The following SLC16A4 variants were observed in gnomAD, a reference collection of about 807,000 sequenced individuals.
The protein encoded by SLC16A4 is solute carrier family 16 member 4.
In SLC16A4, 39 loss-of-function variants were observed where a neutral mutation model predicts 47.9. That is an observed-to-expected ratio of 0.81 (90% CI 0.63 to 1.06). The LOEUF (loss-of-function observed/expected upper bound fraction) is 1.06, where lower values mean the gene tolerates loss of function less well. SLC16A4 is among the 50% of genes least tolerant of loss of function. The pLI is 0.00. For synonymous variants in SLC16A4, 189 were observed against 199.9 expected (o/e 0.95, Z 0.46); for missense variants, 524 against 573.8 (o/e 0.91, Z 0.89).
intron 3 of SLC16A4, among the ~76,000 whole-genome samples, chr1:110,382,059 C>T (rs1476314189): frequency 6.6e-6 from 1 of 152,130 alleles, no homozygotes; most frequent in Non-Finnish European, 1.5e-5. Flanking sequence ...CATTATAGAA[C>T]CTCCACAAAA....
rs777078429 is a variant in SLC16A4, at chr1:110,363,793, G to C, written c.1437C>G (p.Ala479=). Residue 479 remains alanine, a synonymous_variant, in exon 9 of 9, where the codon GCC becomes GCG. Transcript: ENST00000369779. ...SSVSFFFVPL[A]ERWKNSLT Reference sequence around the variant, plus strand: ...AGGTCAGACTGTTTTTCCATCTTTCGGCCAATGGTACAAAAAAAAAGGAAA... The same window carrying C: ...AGGTCAGACTGTTTTTCCATCTTTCCGCCAATGGTACAAAAAAAAAGGAAA... The C allele has an allele frequency of 2.5e-5, 41 of 1,608,936 alleles. No individual in the cohort carries two copies. The highest frequency in any genetic ancestry group is 1.6e-4 in the Middle Eastern group (1 of 6,062).
rs533679773 is a variant in SLC16A4, at chr1:110,376,955, C to T, written c.1237G>A (p.Val413Ile). The change falls in exon 7 of 9, where the codon GTA (valine) becomes ATA (isoleucine). Residue 413 changes from valine to isoleucine, a missense_variant. Physicochemically the swap from Val to Ile is conservative, Grantham distance 29. Transcript: ENST00000369779. ...AGGYLALILP[V>I]LVDLCRNSTV... The stretch of plus-strand genomic sequence containing the variant: ...TAATGAGTGTGTCTACTCACCAGTA[C>T]AGGCAGTATCAATGCCAGGTAACCA... 1.1e-4 allele frequency: 174 copies of T among 1,613,048 alleles called. 1 individual carries two copies. The highest frequency in any genetic ancestry group is 6.3e-4 in the Admixed American group (38 of 59,974).
rs912592290 is a variant in SLC16A4 at position 110,375,332 on chromosome 1, T to C, written c.1336+126A>G. The C allele has an allele frequency of 6.9e-5, 45 of 656,514 alleles. No homozygotes were observed. In the Middle Eastern group the frequency reaches 8.2e-4, roughly 12 times the overall value. The allele number at this position is 656,514 out of a possible 1,614,324, so 40.7% of individuals were successfully genotyped here. ...GCATTGGTGGTGGAGTGAGTAGATA[T>C]AGGAAAAGCAGAAATAATCTGTTTC... is the stretch of plus-strand genomic sequence containing the variant. On this transcript the variant is annotated intron_variant, in intron 8 of 8. Coordinates refer to ENST00000369779, the MANE Select transcript of SLC16A4 (RefSeq NM_004696.3).
At position 110,383,030 on chromosome 1, in the gene SLC16A4, G is replaced by T. The variant is rs934790127; in HGVS notation, c.88-64C>A. 4.2e-6 allele frequency: 6 copies of T among 1,419,598 alleles called. No homozygotes were observed. The African/African-American group carries it at 4.3e-5, about 10-fold the overall frequency. 87.9% of individuals were successfully genotyped at this position (1,419,598 alleles called of 1,614,324 possible). A position where few individuals can be genotyped will look rare whatever the true frequency, so the allele number is the denominator to read the frequency against. ...GTGAGCCATTACAGAGGCAATTACG[G>T]CTACTAGAAGTTATGATTCCCTCAG... On this transcript the variant is annotated intron_variant, in intron 2 of 8. Transcript: ENST00000369779.
intron 8 of SLC16A4, among the ~76,000 whole-genome samples, chr1:110,368,379 C>T (rs1440357289): frequency 6.6e-6 from 1 of 152,188 alleles, no homozygotes; most frequent in Non-Finnish European, 1.5e-5. Context: ...GAGGAATAAA[C>T]TGGCAGCTGA....
At chr1:110,366,107 C>CAG (rs2100977928) in intron 8 of SLC16A4, among the ~76,000 whole-genome samples, 1 of 134,500 alleles carries the variant, frequency 7.4e-6, no homozygotes. Context: ...ATTTTACACA[C>CAG]ACACACACAC....
intron 8 of SLC16A4, among the ~76,000 whole-genome samples, chr1:110,373,466 G>T (rs1048311102): frequency 6.6e-6 from 1 of 152,038 alleles, no homozygotes; most frequent in Non-Finnish European, 1.5e-5. Context: ...CCTTTTACTA[G>T]TCCCTATATA....
intron 8 of SLC16A4, among the ~76,000 whole-genome samples, chr1:110,367,677 C>G (rs1661463233): frequency 6.6e-6 from 1 of 151,902 alleles, no homozygotes; most frequent in Non-Finnish European, 1.5e-5. Context: ...GCCTGGGCAA[C>G]AGAGGGAGAG....
chr1:110,376,926 A>G (rs773448121), intron 7 of SLC16A4, 24 bp downstream of exon 7: 1 of 1,586,304 alleles, frequency 6.3e-7, no homozygotes, highest in African/African-American at 1.3e-5. Context: ...TGGTTTAACA[A>G]TGTTAATGAG....
chr1:110,381,824 A>T (rs1344760371), intron 3 of SLC16A4, 29 bp from the exon 4 acceptor site: 1 of 1,600,284 alleles, frequency 6.2e-7, no homozygotes, highest in East Asian at 2.2e-5. Flanking sequence ...GGCAATTCTT[A>T]GGTAAATAAT....
In SLC16A4 at chr1:110,363,734, T is replaced by G. The variant is rs768450309; in HGVS notation, c.*32A>C. 2 of 1,570,462 alleles carry G rather than the reference T, an allele frequency of 1.3e-6. No homozygotes were observed. The highest frequency in any genetic ancestry group is 1.7e-6 in the Non-Finnish European group (2 of 1,164,508). On this transcript the variant is annotated 3_prime_UTR_variant, in exon 9 of 9. Coordinates refer to ENST00000369779, the MANE Select transcript of SLC16A4 (RefSeq NM_004696.3). ...GACATTAGTTTAGGTTTTCTTTTGTTTAGCTCTCACTTGATTGCAGTCTTC... is the reference window on the plus strand; with the variant it reads ...GACATTAGTTTAGGTTTTCTTTTGTGTAGCTCTCACTTGATTGCAGTCTTC...
intron 8 of SLC16A4, among the ~76,000 whole-genome samples, chr1:110,374,328 A>C (rs569229804): frequency 2.0e-5 from 3 of 152,380 alleles, no homozygotes; most frequent in African/African-American, 7.2e-5. Flanking sequence ...GGCATGAGCC[A>C]CTGCGCCTGG....
intron 8 of SLC16A4, chr1:110,371,768 A>C (rs930384550): frequency 2.6e-5 from 4 of 151,944 alleles, no homozygotes; most frequent in African/African-American, 9.7e-5. Context: ...AAACTCACCT[A>C]CTCTAATGCA....
chr1:110,367,968 ATAGGCGTCCGCCACCGTGCCCGGCTAATT>A (rs969871604), intron 8 of SLC16A4, among the ~76,000 whole-genome samples: 2 of 152,092 alleles, frequency 1.3e-5, no homozygotes, highest in Admixed American at 6.6e-5. Flanking sequence ...AGCTGGGACC[ATAGGCGTCCGCCACCGTGCCCGGCTAATT>A]TTTTGTATTT....
rs117642787 is a variant in SLC16A4 at position 110,381,157 on chromosome 1, G to C, written c.365-14C>G. ...CAGAACCCAAACCTAAAAGAAAAACGTAATAGTTTAGAATCACTCTTACAT... is the reference window on the plus strand; with the variant it reads ...CAGAACCCAAACCTAAAAGAAAAACCTAATAGTTTAGAATCACTCTTACAT... On this transcript the variant is annotated splice_polypyrimidine_tract_variant and intron_variant, in intron 4 of 8. Coordinates refer to ENST00000369779, the MANE Select transcript of SLC16A4 (RefSeq NM_004696.3). 5 of 1,611,832 alleles carry C rather than the reference G, an allele frequency of 3.1e-6. No homozygotes were observed. Among genetic ancestry groups the C allele is most frequent in the Admixed American group, 1.7e-5 (1 of 59,834 alleles).
At chr1:110,379,436 C>A in intron 5 of SLC16A4, 80 bp from the exon 6 acceptor site, 1 of 1,324,140 alleles carries the variant, frequency 7.6e-7, no homozygotes, top group Non-Finnish European at 1.0e-6. Context: ...TCAGAAGAGG[C>A]CCCACTGGCA....
At chr1:110,367,802 G>A (rs891160176) in intron 8 of SLC16A4, among the ~76,000 whole-genome samples, 8 of 151,954 alleles carry the variant, frequency 5.3e-5, no homozygotes, top group Non-Finnish European at 1.0e-4. Context: ...GATGCACTTC[G>A]GACCCTAAAC....
chr1:110,378,877 C>T lies in SLC16A4; in HGVS notation c.1006G>A (p.Ala336Thr). Reference sequence around the variant, plus strand: ...CCTGCTACAGAAACAAGGTAAGAGGCATCCATGATGTCAATCCCCAGTGTT... The same window carrying T: ...CCTGCTACAGAAACAAGGTAAGAGGTATCCATGATGTCAATCCCCAGTGTT... The part of the protein sequence containing the change: ...AKTLGIDIMD[A>T]SYLVSVAGIL... The change falls in exon 6 of 9, where the codon GCC (alanine) becomes ACC (threonine). Residue 336 changes from alanine to threonine, a missense_variant. Coordinates refer to ENST00000369779, the MANE Select transcript of SLC16A4 (RefSeq NM_004696.3). The T allele has an allele frequency of 6.2e-7, 1 of 1,613,182 alleles. No individual in the cohort carries two copies. Among genetic ancestry groups the T allele is most frequent in the South Asian group, 1.1e-5 (1 of 90,950 alleles).
At position 110,382,882 on chromosome 1, in the gene SLC16A4, G is replaced by A. The variant is rs1335499200; in HGVS notation, c.172C>T (p.Gln58Ter). ...FQEEFEGTSE[Q>*]IGWIGSIMSS... ...ATGATGGATCCAATCCAACCAATTT[G>A]CTCTGAGGTGCCTTCAAACTCTTCT... is the stretch of plus-strand genomic sequence containing the variant. The change falls in exon 3 of 9, where the codon CAA (glutamine) becomes TAA (stop). Residue 58 changes from glutamine to a stop codon, truncating the protein, a stop_gained. Coordinates refer to ENST00000369779, the MANE Select transcript of SLC16A4 (RefSeq NM_004696.3). LOFTEE classifies it high-confidence loss of function. 1.9e-6 allele frequency: 3 copies of A among 1,612,550 alleles called. No homozygotes were observed. Among genetic ancestry groups the A allele is most frequent in the Non-Finnish European group, 2.5e-6 (3 of 1,179,084 alleles).
Sources: gnomAD v4.1 joint callset for allele counts (sites outside exome capture counted in the v4.1 genomes callset) on GRCh38, gnomAD v4.1.1 for gene constraint, MANE v1.5 for transcripts, NCBI Gene and HGNC (gene_info 2026-07-23, HGNC 2026-07-21) for gene names.